Variants in TBC1D5 observed in about 807,000 individuals in gnomAD.
The protein encoded by TBC1D5 is TBC1 domain family, member 5.
Under a neutral mutation model 100.3 loss-of-function variants are expected in TBC1D5, and 75 were observed. That is an observed-to-expected ratio of 0.75 (90% CI 0.62 to 0.91). TBC1D5 has a LOEUF of 0.91. Among genes scored for constraint, TBC1D5 ranks in the 40% least tolerant of loss-of-function variants. The pLI is 0.00. For synonymous variants in TBC1D5, 323 were observed against 325.6 expected, an observed-to-expected ratio of 0.99 and a Z score of 0.09; for missense variants, 910 against 942.4, an observed-to-expected ratio of 0.97 and a Z score of 0.45.
At chr3:17,506,021 T>TAACTTCTACACAGGCAAAGCACTA (rs1288034049) in intron 3 of TBC1D5, among the ~76,000 whole-genome samples, 1 of 152,176 alleles carries the variant, frequency 6.6e-6, no homozygotes, top group Non-Finnish European at 1.5e-5. Flanking sequence ...AAATTACACA[T>TAACTTCTACACAGGCAAAGCACTA]AACTTCTACA....
intron 17 of TBC1D5, among the ~76,000 whole-genome samples, chr3:17,217,761 G>A (rs554928744): frequency 4.6e-4 from 70 of 152,134 alleles, no homozygotes; most frequent in Middle Eastern, 3.4e-3. Flanking sequence ...TGTTCTGGGT[G>A]CAAGTTCCTT....
intron 13 of TBC1D5, among the ~76,000 whole-genome samples, chr3:17,346,564 T>C (rs114484820): frequency 0.014 from 2,204 of 152,292 alleles, 47 homozygotes; most frequent in African/African-American, 0.05. Flanking sequence ...TTTCCCATGA[T>C]ATATTGAACA....
intron 21 of TBC1D5, among the ~76,000 whole-genome samples, chr3:17,163,019 G>A (rs1483990323): frequency 6.6e-6 from 1 of 152,176 alleles, no homozygotes. Flanking sequence ...TTTTAGAGTG[G>A]TGCCTCTACT....
At chr3:17,523,788 T>A (rs955982332) in intron 2 of TBC1D5, among the ~76,000 whole-genome samples, 1 of 152,220 alleles carries the variant, frequency 6.6e-6, no homozygotes, top group African/African-American at 2.4e-5. Flanking sequence ...TATTGTCTCC[T>A]AGTGGACAAG....
intron 16 of TBC1D5, among the ~76,000 whole-genome samples, chr3:17,256,177 T>C (rs1034081484): frequency 6.6e-6 from 1 of 152,110 alleles, no homozygotes; most frequent in East Asian, 1.9e-4. Context: ...TTTACTTTTG[T>C]GTGTGGTTGA....
At chr3:17,686,094 C>T (rs147204156) in intron 1 of TBC1D5, among the ~76,000 whole-genome samples, 28 of 152,184 alleles carry the variant, frequency 1.8e-4, no homozygotes, top group Middle Eastern at 3.4e-3. Flanking sequence ...GGATTTCAGA[C>T]GTGAAAGACA....
intron 16 of TBC1D5, among the ~76,000 whole-genome samples, chr3:17,255,604 C>G (rs2077569998): frequency 6.6e-6 from 1 of 151,946 alleles, no homozygotes; most frequent in Non-Finnish European, 1.5e-5. Context: ...TTTGGTTTGT[C>G]TTTTGATTCA....
chr3:17,473,928 C>T (rs2095409681), intron 3 of TBC1D5, among the ~76,000 whole-genome samples: 1 of 150,424 alleles, frequency 6.6e-6, no homozygotes. Context: ...TTGCTTTTTA[C>T]CTGTTTATGA....
intron 16 of TBC1D5, among the ~76,000 whole-genome samples, chr3:17,255,078 G>A (rs889383645): frequency 3.9e-5 from 6 of 152,206 alleles, no homozygotes; most frequent in African/African-American, 1.2e-4. Context: ...CATGAACTGA[G>A]TTGAAATCCT....
chr3:17,405,066 T>C, intron 5 of TBC1D5, 105 bp from the exon 6 acceptor site: 1 of 565,006 alleles, frequency 1.8e-6, no homozygotes, highest in Non-Finnish European at 3.1e-6. Context: ...ATAGTCATGA[T>C]ATTTCATATT....
intron 1 of TBC1D5, among the ~76,000 whole-genome samples, chr3:17,729,015 G>GAAAAAAAAA (rs2076342384): frequency 2.4e-4 from 3 of 12,376 alleles, no homozygotes; most frequent in East Asian, 1.8e-3. Flanking sequence ...CTGAAAATCA[G>GAAAAAAAAA]TAAAAAAAAA....
intron 2 of TBC1D5, among the ~76,000 whole-genome samples, chr3:17,556,941 A>G (rs550844208): frequency 2.0e-5 from 3 of 152,240 alleles, no homozygotes; most frequent in Non-Finnish European, 4.4e-5. Context: ...ACACACATGT[A>G]GGAAAAGTCA....
exon 22 of TBC1D5, chr3:17,161,254 G>T: frequency 1.2e-6 from 2 of 1,608,660 alleles, no homozygotes; most frequent in Non-Finnish European, 1.7e-6. Flanking sequence ...TTTCTGAAGA[G>T]GCCTGTGAAG....
chr3:17,497,132 A>G (rs1220260232), intron 3 of TBC1D5, among the ~76,000 whole-genome samples: 1 of 122,140 alleles, frequency 8.2e-6, no homozygotes, highest in Non-Finnish European at 1.7e-5. Context: ...ACACACACAC[A>G]CACACCATCC....
chr3:17,728,912 AT>A (rs2076330945), intron 1 of TBC1D5, among the ~76,000 whole-genome samples: 2 of 151,002 alleles, frequency 1.3e-5, no homozygotes, highest in Middle Eastern at 3.4e-3. Flanking sequence ...CTTAATAAGA[AT>A]TTTAAAAATA....
At chr3:17,742,190 A>T (rs1182127665), upstream of TBC1D5, among the ~76,000 whole-genome samples, 1 of 152,038 alleles carries the variant, frequency 6.6e-6, no homozygotes, top group Non-Finnish European at 1.5e-5. Context: ...CCCGCCAGGG[A>T]GCTGAAGGGT....
At chr3:17,326,719 C>A (rs1440401124) in intron 13 of TBC1D5, among the ~76,000 whole-genome samples, 1 of 152,220 alleles carries the variant, frequency 6.6e-6, no homozygotes, top group African/African-American at 2.4e-5. Context: ...AGTAACCCAA[C>A]CACCTTGGCC....
intron 1 of TBC1D5, among the ~76,000 whole-genome samples, chr3:17,716,067 A>T (rs1173729703): frequency 6.6e-6 from 1 of 152,178 alleles, no homozygotes; most frequent in Non-Finnish European, 1.5e-5. Flanking sequence ...AAAAGAAAAA[A>T]GAAAAATGAA....
At chr3:17,643,127 G>A (rs2064686931) in intron 1 of TBC1D5, among the ~76,000 whole-genome samples, 1 of 151,940 alleles carries the variant, frequency 6.6e-6, no homozygotes, top group African/African-American at 2.4e-5. Flanking sequence ...CCAATCTGTG[G>A]GAATTCCTTC....
Sources: allele counts gnomAD v4.1 joint callset (sites outside exome capture counted in the v4.1 genomes callset), GRCh38; gene constraint gnomAD v4.1.1; transcripts MANE v1.5; gene names NCBI Gene and HGNC (gene_info 2026-07-23, HGNC 2026-07-21).